Variants in VPS45 observed in about 807,000 individuals in gnomAD.
VPS45 encodes vacuolar protein sorting-associated protein 45.
A neutral mutation model predicts 75.9 loss-of-function variants in VPS45; 35 were observed. The observed-to-expected ratio is 0.46, with a 90% CI of 0.35 to 0.61. The LOEUF (loss-of-function observed/expected upper bound fraction) is 0.61, where lower values mean the gene tolerates loss of function less well. Among genes scored for constraint, VPS45 ranks in the 20% least tolerant of loss-of-function variants. The pLI, the probability that VPS45 is intolerant of heterozygous loss-of-function variation, is 0.00. For missense variants in VPS45, 559 were observed against 685.9 expected, an observed-to-expected ratio of 0.81 and a Z score of 2.07; for synonymous variants, 220 against 238.2, an observed-to-expected ratio of 0.92 and a Z score of 0.70.
At chr1:150,074,982 GAC>G (rs1167953168) in intron 3 of VPS45, among the ~76,000 whole-genome samples, 1 of 42,726 alleles carries the variant, frequency 2.3e-5, no homozygotes, top group Non-Finnish European at 4.2e-5. Context: ...TTTTTTTTGA[GAC>G]ACAGTCTCCC....
rs139678801 is a variant in VPS45, at chr1:150,068,267, A to G, written c.93+317A>G. 3,267 of 384,396 alleles carry G rather than the reference A, an allele frequency of 8.5e-3. 67 individuals carry two copies. Among genetic ancestry groups the G allele is most frequent in the South Asian group, 0.054 (836 of 15,580 alleles). The allele number at this position is 384,396 out of a possible 1,614,324, so 23.8% of individuals were successfully genotyped here. On this transcript the variant is annotated intron_variant, in intron 1 of 14. Coordinates refer to ENST00000644510, the MANE Select transcript of VPS45 (RefSeq NM_007259.5). ...GGGATGGGCCTACTGTTTCCACTCA[A>G]CATTGTGTTTTTAAAGTAAAGCTGT... is the stretch of plus-strand genomic sequence containing the variant.
In VPS45 at chr1:150,079,754, T is replaced by C. The variant is rs999518397; in HGVS notation, c.688-1588T>C. 4.6e-5 allele frequency among the ~76,000 whole-genome samples: 7 copies of C among 152,314 alleles called. No homozygotes were observed. The East Asian group carries it at 1.3e-3, about 29-fold the overall frequency. ...GAGAAAGGCACAGTCTATGTTTCAG[T>C]TTCTTCCCAGCTTGTACTAATGTTA... On this transcript the variant is annotated intron_variant, in intron 7 of 14. Transcript: ENST00000644510.
At chr1:150,102,235 CAAAAA>C (rs1208831311) in intron 13 of VPS45, among the ~76,000 whole-genome samples, 1 of 94,706 alleles carries the variant, frequency 1.1e-5, no homozygotes, top group African/African-American at 5.1e-5. Flanking sequence ...GAGACTCCGT[CAAAAA>C]AAAAAAAAAA....
chr1:150,132,403 T>C (rs1658881188), intron 14 of VPS45, among the ~76,000 whole-genome samples: 1 of 152,220 alleles, frequency 6.6e-6, no homozygotes, highest in Non-Finnish European at 1.5e-5. Flanking sequence ...ATTATCTATA[T>C]TTCTGTTTTC....
chr1:150,110,157 T>A, intron 13 of VPS45: 1 of 197,458 alleles, frequency 5.1e-6, no homozygotes, highest in Non-Finnish European at 1.0e-5. Flanking sequence ...GCCGTATTGA[T>A]ATCATGTCAT....
At chr1:150,099,949 C>T (rs1553803883) in intron 13 of VPS45, among the ~76,000 whole-genome samples, 1 of 152,134 alleles carries the variant, frequency 6.6e-6, no homozygotes, top group Non-Finnish European at 1.5e-5. Context: ...GATGCCCTCT[C>T]TCACCACTTC....
At chr1:150,069,602 G>T (rs1272954699) in intron 2 of VPS45, among the ~76,000 whole-genome samples, 1 of 131,320 alleles carries the variant, frequency 7.6e-6, no homozygotes, top group African/African-American at 2.9e-5. Flanking sequence ...GACTACAGGT[G>T]CCCGCCACCA....
At chr1:150,104,765 A>G (rs1657226900) in intron 13 of VPS45, among the ~76,000 whole-genome samples, 1 of 151,968 alleles carries the variant, frequency 6.6e-6, no homozygotes, top group African/African-American at 2.4e-5. Context: ...TAATTTTTAA[A>G]AATTTTTTGG....
chr1:150,128,943 G>A (rs587775152), intron 14 of VPS45, among the ~76,000 whole-genome samples: 7 of 151,942 alleles, frequency 4.6e-5, no homozygotes, highest in Admixed American at 2.0e-4. Context: ...GGGTTTCACC[G>A]TGTTAGCCAG....
intron 14 of VPS45, among the ~76,000 whole-genome samples, chr1:150,136,239 ACT>A (rs1659086569): frequency 3.8e-5 from 1 of 26,660 alleles, no homozygotes; most frequent in African/African-American, 1.9e-4. Flanking sequence ...ACAGAGTGAG[ACT>A]CTGTCTACAA....
intron 14 of VPS45, among the ~76,000 whole-genome samples, chr1:150,112,772 A>G (rs1266503240): frequency 2.0e-5 from 3 of 152,198 alleles, no homozygotes; most frequent in Non-Finnish European, 4.4e-5. Context: ...GTTGTAAATC[A>G]GGGGTTCCCA....
intron 2 of VPS45, among the ~76,000 whole-genome samples, chr1:150,069,570 C>T (rs1654922253): frequency 1.3e-5 from 2 of 150,686 alleles, no homozygotes; most frequent in African/African-American, 4.9e-5. Context: ...CATTCTCCTG[C>T]CTCAGCCTCC....
Position 150,093,066 on chromosome 1 carries a change from T to G in VPS45, c.1372-461T>G, listed in dbSNP as rs1413047793. The stretch of plus-strand genomic sequence containing the variant: ...TTTCACCGTGTTAGCCAGGATGGTC[T>G]CGAACTCCTGACCTTGTGATCTGCC... On this transcript the variant is annotated intron_variant, in intron 12 of 14. Transcript: ENST00000644510. Among the ~76,000 whole-genome samples the G allele has an allele frequency of 3.3e-5, 5 of 152,132 alleles. No homozygotes were observed. In the East Asian group the frequency reaches 9.7e-4, roughly 29 times the overall value.
At chr1:150,102,684 G>A (rs1412598744) in intron 13 of VPS45, among the ~76,000 whole-genome samples, 1 of 152,166 alleles carries the variant, frequency 6.6e-6, no homozygotes, top group African/African-American at 2.4e-5. Flanking sequence ...GGAATGTTAG[G>A]CAGCCATAAA....
intron 13 of VPS45, among the ~76,000 whole-genome samples, chr1:150,101,115 A>C (rs1315319647): frequency 6.6e-6 from 1 of 152,098 alleles, no homozygotes; most frequent in Non-Finnish European, 1.5e-5. Context: ...CTAAAAATAC[A>C]AAAAATTAGC....
chr1:150,072,291 C>A, intron 3 of VPS45, 65 bp downstream of exon 3: 1 of 1,121,110 alleles, frequency 8.9e-7, no homozygotes, highest in Non-Finnish European at 1.3e-6. Context: ...TTCATTGAGC[C>A]CTTCATATCA....
chr1:150,133,291 T>C (rs1397705531), intron 14 of VPS45, among the ~76,000 whole-genome samples: 1 of 152,156 alleles, frequency 6.6e-6, no homozygotes, highest in African/African-American at 2.4e-5. Context: ...GGCTCACGCC[T>C]GTAATATCAG....
At chr1:150,091,613 A>T (rs1656329399) in intron 10 of VPS45, among the ~76,000 whole-genome samples, 1 of 152,220 alleles carries the variant, frequency 6.6e-6, no homozygotes. Flanking sequence ...GTTGTGCCGT[A>T]TTGATTCAAG....
At chr1:150,112,867 A>G (rs1553807435) in intron 14 of VPS45, among the ~76,000 whole-genome samples, 1 of 152,148 alleles carries the variant, frequency 6.6e-6, no homozygotes, top group African/African-American at 2.4e-5. Context: ...AGTTATTACA[A>G]AGGATACAAC....
Sources: gnomAD v4.1 joint callset for allele counts (sites outside exome capture counted in the v4.1 genomes callset) on GRCh38, gnomAD v4.1.1 for gene constraint, MANE v1.5 for transcripts, NCBI Gene and HGNC (gene_info 2026-07-23, HGNC 2026-07-21) for gene names.